The following COL24A1 variants were observed in gnomAD, a reference collection of about 807,000 sequenced individuals.
COL24A1 encodes collagen alpha-1(XXIV) chain.
Under a neutral mutation model 253.9 loss-of-function variants are expected in COL24A1, and 224 were observed. That is an observed-to-expected ratio of 0.88 (90% confidence interval 0.79 to 0.99). COL24A1 has a LOEUF of 0.99. Ranked by LOEUF, COL24A1 falls within the 50% of genes least tolerant of loss-of-function variation. COL24A1 has a pLI of 0.00. For synonymous variants in COL24A1, 685 were observed against 673.7 expected, an observed-to-expected ratio of 1.02 and a Z score of -0.26; for missense variants, 2,131 against 2,068.5, an observed-to-expected ratio of 1.03 and a Z score of -0.59.
chr1:86,076,034 T>C (rs547819638), intron 7 of COL24A1, among the ~76,000 whole-genome samples: 96 of 152,278 alleles, frequency 6.3e-4, no homozygotes, highest in African/African-American at 2.2e-3. Flanking sequence ...GTATTAGAAG[T>C]TCTGACCAGG....
intron 45 of COL24A1, 125 bp from the exon 46 acceptor site, chr1:85,818,212 G>T: frequency 3.1e-6 from 2 of 647,560 alleles, no homozygotes; most frequent in South Asian, 2.2e-5. Context: ...TATATCATTA[G>T]GATTGCCATT....
chr1:85,897,094 A>G (rs943674329), intron 28 of COL24A1, among the ~76,000 whole-genome samples: 1 of 152,228 alleles, frequency 6.6e-6, no homozygotes, highest in Non-Finnish European at 1.5e-5. Context: ...CTTAAGTTTA[A>G]TATTTTTAAA....
intron 48 of COL24A1, among the ~76,000 whole-genome samples, 200 bp downstream of exon 48, chr1:85,786,154 G>A (rs1669660450): frequency 6.6e-6 from 1 of 152,162 alleles, no homozygotes. Flanking sequence ...GAGTTGTTAT[G>A]ACAAATTACA....
At position 86,096,083 on chromosome 1, in the gene COL24A1, A is replaced by G. The variant is rs575018064; in HGVS notation, c.1600-3763T>C. ...TCTCAATTTGAGATTTCTTCTCTGT[A>G]AACTCGTATTAATAATAATGAGCTT... On this transcript the variant is annotated intron_variant, in intron 5 of 59. Coordinates refer to ENST00000370571, the MANE Select transcript of COL24A1 (RefSeq NM_152890.7). Among the ~76,000 whole-genome samples the G allele has an allele frequency of 1.3e-5, 2 of 152,234 alleles. 1 individual carries two copies. The highest frequency in any genetic ancestry group is 4.1e-4 in the South Asian group (2 of 4,828).
At chr1:85,898,521 T>C (rs1571138023) in intron 28 of COL24A1, among the ~76,000 whole-genome samples, 1 of 152,208 alleles carries the variant, frequency 6.6e-6, no homozygotes, top group South Asian at 2.1e-4. Context: ...ACTTTCTTTC[T>C]GCTCTATTTT....
At chr1:85,861,859 C>T (rs1190783216) in intron 37 of COL24A1, among the ~76,000 whole-genome samples, 1 of 152,168 alleles carries the variant, frequency 6.6e-6, no homozygotes, top group Non-Finnish European at 1.5e-5. Context: ...CAACTTTTCA[C>T]TATTTATTAT....
At chr1:85,968,154 G>A (rs904909764) in intron 22 of COL24A1, among the ~76,000 whole-genome samples, 6 of 152,110 alleles carry the variant, frequency 3.9e-5, no homozygotes, top group Non-Finnish European at 7.4e-5. Flanking sequence ...TCCTCAGCTT[G>A]CAGACAGCCT....
At chr1:86,131,018 T>A (rs1649091611) in intron 2 of COL24A1, among the ~76,000 whole-genome samples, 1 of 151,982 alleles carries the variant, frequency 6.6e-6, no homozygotes, top group Non-Finnish European at 1.5e-5. Flanking sequence ...GCCTTGTACC[T>A]TAAATTTCAT....
chr1:86,089,276 T>C, intron 6 of COL24A1, 49 bp from the exon 7 acceptor site: 3 of 1,326,892 alleles, frequency 2.3e-6, no homozygotes, highest in Non-Finnish European at 3.1e-6. Flanking sequence ...AACTGAAAAT[T>C]AGAATTCTCT....
chr1:86,027,319 G>A (rs1334397102), intron 14 of COL24A1, among the ~76,000 whole-genome samples: 1 of 152,084 alleles, frequency 6.6e-6, no homozygotes, highest in Non-Finnish European at 1.5e-5. Context: ...TGTCTCCAGG[G>A]AGTGTCAGAG....
At position 85,841,314 on chromosome 1, in the gene COL24A1, T is replaced by C. The variant is rs771922986; in HGVS notation, c.3571-36A>G. The C allele has an allele frequency of 6.5e-5, 91 of 1,407,122 alleles. No individual in the cohort carries two copies. In the Admixed American group the frequency reaches 9.5e-4, roughly 15 times the overall value. 87.2% of individuals were successfully genotyped at this position (1,407,122 alleles called of 1,614,324 possible). ...ATAATGATTTATAAACAAAACTCAA[T>C]AAATAAAATAAACATCAAAAACACA... On this transcript the variant is annotated intron_variant, in intron 41 of 59. Coordinates refer to ENST00000370571, the MANE Select transcript of COL24A1 (RefSeq NM_152890.7).
intron 32 of COL24A1, among the ~76,000 whole-genome samples, chr1:85,886,061 C>A (rs1196040220): frequency 6.6e-6 from 1 of 151,768 alleles, no homozygotes; most frequent in East Asian, 1.9e-4. Context: ...GTTCCACACA[C>A]AATAACTTTT....
At chr1:85,840,743 G>C (rs775942463) in intron 42 of COL24A1, among the ~76,000 whole-genome samples, 1 of 151,988 alleles carries the variant, frequency 6.6e-6, no homozygotes, top group Non-Finnish European at 1.5e-5. Flanking sequence ...TAATAAGAAG[G>C]CTATAGATCA....
At chr1:86,123,500 T>C (rs1200105606) in intron 3 of COL24A1, among the ~76,000 whole-genome samples, 4 of 152,048 alleles carry the variant, frequency 2.6e-5, no homozygotes, top group African/African-American at 9.7e-5. Context: ...TACTGAGTTA[T>C]ACATACTTTG....
intron 19 of COL24A1, among the ~76,000 whole-genome samples, chr1:86,002,832 T>C (rs1695560293): frequency 6.6e-6 from 1 of 152,142 alleles, no homozygotes; most frequent in African/African-American, 2.4e-5. Context: ...GAGTCTTACA[T>C]ACTCCACCAC....
At chr1:85,958,705 GT>G (rs1022806112) in intron 24 of COL24A1, among the ~76,000 whole-genome samples, 1 of 152,030 alleles carries the variant, frequency 6.6e-6, no homozygotes, top group African/African-American at 2.4e-5. Context: ...AAAAGAACAT[GT>G]TTTTTTCTTT....
At chr1:86,077,276 A>G (rs1702318485) in intron 7 of COL24A1, among the ~76,000 whole-genome samples, 1 of 152,216 alleles carries the variant, frequency 6.6e-6, no homozygotes, top group Non-Finnish European at 1.5e-5. Flanking sequence ...TGCAAATCAA[A>G]ACCACAATGA....
intron 32 of COL24A1, among the ~76,000 whole-genome samples, chr1:85,882,249 G>A (rs1193642202): frequency 6.6e-6 from 1 of 152,052 alleles, no homozygotes; most frequent in Non-Finnish European, 1.5e-5. Flanking sequence ...AGGCTGAGGC[G>A]GGCGGTTCAC....
intron 47 of COL24A1, among the ~76,000 whole-genome samples, chr1:85,806,411 T>C (rs1489987656): frequency 6.6e-6 from 1 of 152,208 alleles, no homozygotes; most frequent in East Asian, 1.9e-4. Flanking sequence ...ATGTTTTCTG[T>C]AAAAGGGCCA....
Sources: gnomAD v4.1 joint callset for allele counts (sites outside exome capture counted in the v4.1 genomes callset) on GRCh38, gnomAD v4.1.1 for gene constraint, MANE v1.5 for transcripts, NCBI Gene and HGNC (gene_info 2026-07-23, HGNC 2026-07-21) for gene names.